TNR: variants seen among roughly 807,000 people sequenced by gnomAD.
TNR encodes the protein tenascin R.
TNR carries 45 observed loss-of-function variants against 150.4 expected under a neutral mutation model. That is an observed-to-expected ratio of 0.30 (90% CI 0.24 to 0.38). TNR has a LOEUF of 0.38. TNR is among the 10% of genes least tolerant of loss of function. TNR has a pLI of 1.00. For missense variants in TNR, 1,544 were observed against 1,759.1 expected (o/e 0.88, Z 2.19); for synonymous variants, 687 against 678.4 (o/e 1.01, Z -0.20).
At chr1:175,667,640 C>T (rs147155723) in intron 1 of TNR, among the ~76,000 whole-genome samples, 41 of 152,222 alleles carry the variant, frequency 2.7e-4, no homozygotes, top group East Asian at 2.1e-3. Flanking sequence ...GATACAGCAG[C>T]GAGAGAGGAT....
At chr1:175,451,866 A>T (rs1571459570) in intron 2 of TNR, among the ~76,000 whole-genome samples, 1 of 152,194 alleles carries the variant, frequency 6.6e-6, no homozygotes, top group Non-Finnish European at 1.5e-5. Context: ...ACTTGGCTGT[A>T]CTTCTATAAC....
At chr1:175,589,186 A>T (rs1662694240) in intron 1 of TNR, among the ~76,000 whole-genome samples, 1 of 152,172 alleles carries the variant, frequency 6.6e-6, no homozygotes, top group African/African-American at 2.4e-5. Context: ...CAAATACAAG[A>T]TCTCAAATCT....
rs113217699 is a variant in TNR, at chr1:175,709,142, A to G, written c.-165+34084T>C. Among the ~76,000 whole-genome samples the G allele has an allele frequency of 2.2e-3, 328 of 152,106 alleles. 2 individuals carry two copies. The highest frequency in any genetic ancestry group is 7.7e-3 in the African/African-American group (318 of 41,496). On this transcript the variant is annotated intron_variant, in intron 1 of 22. Coordinates refer to ENST00000367674, the MANE Select transcript of TNR (RefSeq NM_003285.3). ...CCTTCTATTTGTTCAGTGCTCCCCAATGAAGGTGATATACAGGGCCTCCTC... is the reference window on the plus strand; with the variant it reads ...CCTTCTATTTGTTCAGTGCTCCCCAGTGAAGGTGATATACAGGGCCTCCTC...
At chr1:175,340,032 G>A (rs1650444987) in intron 18 of TNR, among the ~76,000 whole-genome samples, 1 of 152,172 alleles carries the variant, frequency 6.6e-6, no homozygotes, top group Admixed American at 6.5e-5. Context: ...TTGAATACCT[G>A]AATGGCTATC....
At chr1:175,354,558 G>C in intron 17 of TNR, 35 bp from the exon 18 acceptor site, 1 of 1,613,334 alleles carries the variant, frequency 6.2e-7, no homozygotes, top group Non-Finnish European at 8.5e-7. Context: ...TGGTGGAAGG[G>C]AGCAACTGGC....
At position 175,323,412 on chromosome 1, in the gene TNR, C is replaced by A; in HGVS notation, c.4022G>T (p.Arg1341Leu). Residue 1341 changes from arginine to leucine, a missense_variant, in exon 23 of 23, where the codon CGC (arginine) becomes CTC (leucine). Arg to Leu is a moderately radical substitution (Grantham distance 102). Transcript: ENST00000367674. ...FSIPFVEMKMRPYNHRLMAGR... is the reference protein window; with the variant it reads ...FSIPFVEMKMLPYNHRLMAGR... ...TGCCATGAGACGGTGGTTGTAGGGG[C>A]GCATCTTCATTTCCACAAAGGGGAT... is the stretch of plus-strand genomic sequence containing the variant. The A allele has an allele frequency of 6.2e-7, 1 of 1,614,048 alleles. No individual in the cohort carries two copies. The highest frequency in any genetic ancestry group is 8.5e-7 in the Non-Finnish European group (1 of 1,179,970).
intron 1 of TNR, among the ~76,000 whole-genome samples, chr1:175,564,833 G>A (rs1385959700): frequency 1.3e-5 from 2 of 152,174 alleles, no homozygotes; most frequent in South Asian, 2.1e-4. Context: ...TCACCCCTCT[G>A]CCAGCTTCTT....
At chr1:175,359,505 C>A in intron 15 of TNR, 107 bp downstream of exon 15, 1 of 1,571,026 alleles carries the variant, frequency 6.4e-7, no homozygotes, top group Non-Finnish European at 8.7e-7. Context: ...CTTTTCTAAT[C>A]TGTCCTTCAG....
chr1:175,377,865 G>T (rs1652484372), intron 9 of TNR, among the ~76,000 whole-genome samples: 1 of 152,142 alleles, frequency 6.6e-6, no homozygotes, highest in Admixed American at 6.5e-5. Flanking sequence ...TGACTGTTCT[G>T]CACAGCATCT....
chr1:175,363,850 G>A, intron 12 of TNR, 23 bp from the exon 13 acceptor site: 1 of 1,593,566 alleles, frequency 6.3e-7, no homozygotes, highest in Non-Finnish European at 8.6e-7. Context: ...AGTGATTGTG[G>A]GAAAAAGACA....
Position 175,504,281 on chromosome 1 carries a change from G to A in TNR, c.-64+23988C>T, listed in dbSNP as rs115495019. ...AGGCCCAGTGCTAGGCGCTCTGCAT[G>A]CATTATCTCTGTATCCCTTACAATA... On this transcript the variant is annotated intron_variant, in intron 2 of 22. Transcript: ENST00000367674. 8.1e-3 allele frequency among the ~76,000 whole-genome samples: 1,232 copies of A among 152,230 alleles called. 16 individuals carry two copies. The highest frequency in any genetic ancestry group is 0.028 in the African/African-American group (1,165 of 41,528).
At chr1:175,339,750 G>C (rs996449294) in intron 18 of TNR, among the ~76,000 whole-genome samples, 3 of 152,136 alleles carry the variant, frequency 2.0e-5, no homozygotes, top group African/African-American at 7.2e-5. Context: ...GAAGGAGCCA[G>C]AACCCCAAAT....
intron 2 of TNR, among the ~76,000 whole-genome samples, chr1:175,513,578 A>G (rs907941057): frequency 1.3e-5 from 2 of 152,178 alleles, no homozygotes; most frequent in African/African-American, 4.8e-5. Flanking sequence ...CTCAAGGTTC[A>G]ATGTTATAGG....
At chr1:175,586,155 A>G (rs1662554540) in intron 1 of TNR, among the ~76,000 whole-genome samples, 1 of 152,150 alleles carries the variant, frequency 6.6e-6, no homozygotes, top group Non-Finnish European at 1.5e-5. Context: ...CTCAAGGAAG[A>G]GGGATTTTCC....
chr1:175,648,124 C>G (rs1462536212), intron 1 of TNR, among the ~76,000 whole-genome samples: 2 of 152,042 alleles, frequency 1.3e-5, no homozygotes, highest in African/African-American at 2.4e-5. Context: ...GCTTGGGATC[C>G]CCTTCCTAGT....
chr1:175,438,798 C>T (rs553698628), intron 2 of TNR, among the ~76,000 whole-genome samples: 2 of 152,216 alleles, frequency 1.3e-5, no homozygotes, highest in East Asian at 1.9e-4. Flanking sequence ...AATAAAATAC[C>T]TAGGAATCCA....
chr1:175,428,761 G>A (rs1378335678), intron 2 of TNR, among the ~76,000 whole-genome samples: 1 of 152,108 alleles, frequency 6.6e-6, no homozygotes, highest in Non-Finnish European at 1.5e-5. Context: ...CCCCTGTGCT[G>A]CACGATTCTC....
intron 18 of TNR, among the ~76,000 whole-genome samples, chr1:175,341,927 G>A (rs949469719): frequency 1.3e-5 from 2 of 152,254 alleles, no homozygotes; most frequent in African/African-American, 4.8e-5. Flanking sequence ...TAGACTGTCA[G>A]GGGCAGCCTA....
chr1:175,464,139 T>C (rs542694904), intron 2 of TNR, among the ~76,000 whole-genome samples: 2 of 152,176 alleles, frequency 1.3e-5, no homozygotes, highest in African/African-American at 4.8e-5. Context: ...CAACACTTAA[T>C]AGAAAGCCTT....
Sources: allele counts gnomAD v4.1 joint callset (sites outside exome capture counted in the v4.1 genomes callset), GRCh38; gene constraint gnomAD v4.1.1; transcripts MANE v1.5; gene names NCBI Gene and HGNC (gene_info 2026-07-23, HGNC 2026-07-21).